SYNE1: variants seen among roughly 807,000 people sequenced by gnomAD.
SYNE1 encodes spectrin repeat containing nuclear envelope protein 1.
Under a neutral mutation model 1,111.0 loss-of-function variants are expected in SYNE1, and 616 were observed. The observed-to-expected ratio is 0.55, with a 90% CI of 0.52 to 0.59. The LOEUF is 0.59. Among genes scored for constraint, SYNE1 ranks in the 20% least tolerant of loss-of-function variants. The pLI is 0.00. For missense variants in SYNE1, 10,006 were observed against 10,417.0 expected, an observed-to-expected ratio of 0.96 and a Z score of 1.72; for synonymous variants, 3,855 against 3,825.8, an observed-to-expected ratio of 1.01 and a Z score of -0.28.
At chr6:152,368,893 C>G in intron 61 of SYNE1, 79 bp downstream of exon 61, 3 of 1,595,520 alleles carry the variant, frequency 1.9e-6, no homozygotes, top group South Asian at 2.2e-5. Flanking sequence ...GGATGCAATG[C>G]ACACCCTGCA....
In SYNE1 at chr6:152,539,942, C is replaced by T. The variant is rs1208382590; in HGVS notation, c.129+18G>A. The T allele has an allele frequency of 2.5e-6, 4 of 1,613,562 alleles. No homozygotes were observed. Among genetic ancestry groups the T allele is most frequent in the African/African-American group, 1.3e-5 (1 of 74,922 alleles). On this transcript the variant is annotated intron_variant, in intron 4 of 145. Coordinates refer to ENST00000367255, the MANE Select transcript of SYNE1 (RefSeq NM_182961.4). ...GCTCAACCTAAGTAAACCTGTAATG[C>T]TGGGTAGTTTCCTTTACCTTGGCCA...
Position 152,239,666 on chromosome 6 carries a change from T to A in SYNE1, c.19934A>T (p.Glu6645Val). Residue 6645 changes from glutamate (E) to valine (V), a missense_variant, in exon 108 of 146, where the codon GAA becomes GTA. Physicochemically the swap from Glu to Val is moderately radical, Grantham distance 121. Coordinates refer to ENST00000367255, the MANE Select transcript of SYNE1 (RefSeq NM_182961.4). ...QGLESHMILT[E>V]TLFRKIISFA... ...GCTGATTATCTTTCTGAAGAGTGTT[T>A]CAGTCAAGATCATATGAGATTCCAG... 6.2e-7 allele frequency: 1 copy of A among 1,614,238 alleles called. No homozygotes were observed. Among genetic ancestry groups the A allele is most frequent in the Non-Finnish European group, 8.5e-7 (1 of 1,180,038 alleles).
intron 12 of SYNE1, among the ~76,000 whole-genome samples, chr6:152,485,382 T>A (rs1464097846): frequency 6.6e-6 from 1 of 152,242 alleles, no homozygotes; most frequent in Non-Finnish European, 1.5e-5. Flanking sequence ...ATCAAGATAG[T>A]TGCTTTACTT....
At chr6:152,350,529 G>C (rs2096722795) in intron 71 of SYNE1, 89 bp downstream of exon 71, 1 of 1,565,540 alleles carries the variant, frequency 6.4e-7, no homozygotes, top group Admixed American at 1.7e-5. Context: ...ACCCGTACCA[G>C]GCCTTAAAAT....
At chr6:152,208,974 A>C (rs2077030162) in intron 124 of SYNE1, among the ~76,000 whole-genome samples, 1 of 151,912 alleles carries the variant, frequency 6.6e-6, no homozygotes, top group African/African-American at 2.4e-5. Context: ...TTCTGGCTTT[A>C]AAAAAATATA....
At chr6:152,569,324 C>T (rs535886493) in intron 3 of SYNE1, among the ~76,000 whole-genome samples, 1 of 152,172 alleles carries the variant, frequency 6.6e-6, no homozygotes, top group Admixed American at 6.5e-5. Context: ...TAATCATCAC[C>T]TTATGGGCAA....
rs1587986605 is a variant in SYNE1, at chr6:152,215,049, T to C, written c.22203A>G (p.Leu7401=). 27 of 1,614,108 alleles carry C rather than the reference T, an allele frequency of 1.7e-5. No individual in the cohort carries two copies. The highest frequency in any genetic ancestry group is 2.3e-5 in the Non-Finnish European group (27 of 1,179,970). ...ERMEELKGQM[L]KFSSMAPDLD... is the part of the protein sequence containing the mutation. Reference sequence around the variant, plus strand: ...AATCTGGAGCCATGCTGCTGAATTTTAACATCTGTCCCTAGAAGGAAGATT... The same window carrying C: ...AATCTGGAGCCATGCTGCTGAATTTCAACATCTGTCCCTAGAAGGAAGATT... Residue 7401 remains leucine (L), a synonymous_variant, in exon 122 of 146, where the codon TTA becomes TTG. Transcript: ENST00000367255.
chr6:152,216,164 A>C (rs769560164), intron 121 of SYNE1, among the ~76,000 whole-genome samples: 1 of 152,226 alleles, frequency 6.6e-6, no homozygotes, highest in Non-Finnish European at 1.5e-5. Context: ...TTTTTGAAGA[A>C]AGAATAAATC....
At position 152,339,237 on chromosome 6, in the gene SYNE1, T is replaced by G. The variant is rs375086691; in HGVS notation, c.12351+4A>C. ...AAATTCAATGTGATTTTTCATTTTC[T>G]TACCGTTTGCTCTGTTTGTTGAATG... On this transcript the variant is annotated splice_donor_region_variant and intron_variant, in intron 75 of 145. Coordinates refer to ENST00000367255, the MANE Select transcript of SYNE1 (RefSeq NM_182961.4). 2.4e-5 allele frequency: 38 copies of G among 1,613,396 alleles called. No individual in the cohort carries two copies. The African/African-American group carries it at 4.9e-4, about 21-fold the overall frequency.
At chr6:152,623,130 T>C (rs1245593336) in intron 3 of SYNE1, among the ~76,000 whole-genome samples, 1 of 152,032 alleles carries the variant, frequency 6.6e-6, no homozygotes, top group Non-Finnish European at 1.5e-5. Context: ...CAAAACAGCA[T>C]AATACTGGTA....
intron 97 of SYNE1, among the ~76,000 whole-genome samples, chr6:152,279,781 A>T (rs190014204): frequency 1.1e-3 from 161 of 152,116 alleles, no homozygotes; most frequent in African/African-American, 3.6e-3. Context: ...TAGAAGAGTA[A>T]TACTTTTATT....
chr6:152,461,762 C>A (rs909238150), intron 20 of SYNE1, 22 bp from the exon 21 acceptor site: 5 of 1,613,680 alleles, frequency 3.1e-6, no homozygotes, highest in Non-Finnish European at 2.5e-6. Flanking sequence ...ATTGAAACAG[C>A]CAGATTCATA....
intron 110 of SYNE1, among the ~76,000 whole-genome samples, chr6:152,235,506 C>T (rs1470130714): frequency 6.6e-6 from 1 of 152,092 alleles, no homozygotes; most frequent in Admixed American, 6.6e-5. Flanking sequence ...GGATTACAGG[C>T]ATGCACCACC....
intron 5 of SYNE1, 34 bp from the exon 6 acceptor site, chr6:152,520,576 A>G: frequency 6.2e-7 from 1 of 1,600,964 alleles, no homozygotes; most frequent in Non-Finnish European, 8.6e-7. Flanking sequence ...GGAATGAGAC[A>G]AAATCTGCAT....
intron 86 of SYNE1, among the ~76,000 whole-genome samples, chr6:152,317,321 GCTCAGCCTCCCAC>G (rs1050322385): frequency 4.6e-5 from 7 of 151,372 alleles, no homozygotes; most frequent in Non-Finnish European, 7.4e-5. Context: ...AATCTTACGG[GCTCAGCCTCCCAC>G]CTCAGCCTCC....
chr6:152,218,733 C>T (rs951071826), intron 120 of SYNE1, among the ~76,000 whole-genome samples: 5 of 152,046 alleles, frequency 3.3e-5, no homozygotes, highest in Non-Finnish European at 7.4e-5. Flanking sequence ...ATATTAAAGC[C>T]GCTTAGTGTT....
chr6:152,430,003 C>A, intron 36 of SYNE1, 109 bp downstream of exon 36: 1 of 765,086 alleles, frequency 1.3e-6, no homozygotes, highest in Non-Finnish European at 2.3e-6. Flanking sequence ...CTAATATAAA[C>A]ATTTTTCCAA....
intron 3 of SYNE1, among the ~76,000 whole-genome samples, chr6:152,591,155 G>A (rs771817191): frequency 1.3e-5 from 2 of 152,114 alleles, no homozygotes; most frequent in Non-Finnish European, 2.9e-5. Context: ...GCTATTGTGA[G>A]TGGGATTGTG....
intron 14 of SYNE1, among the ~76,000 whole-genome samples, chr6:152,475,533 G>A (rs975583015): frequency 2.0e-5 from 3 of 152,122 alleles, no homozygotes; most frequent in Admixed American, 2.0e-4. Flanking sequence ...ATTGTAAGTT[G>A]AATCACTATA....
Sources: gnomAD v4.1 joint callset for allele counts (sites outside exome capture counted in the v4.1 genomes callset) on GRCh38, gnomAD v4.1.1 for gene constraint, MANE v1.5 for transcripts, NCBI Gene and HGNC (gene_info 2026-07-23, HGNC 2026-07-21) for gene names.